Variants in CLEC16A observed in about 807,000 individuals in gnomAD.
CLEC16A encodes the protein C-type lectin domain containing 16A.
A neutral mutation model predicts 109.5 loss-of-function variants in CLEC16A; 51 were observed. The ratio of observed to expected loss-of-function variants is 0.47; its 90% confidence interval spans 0.37 to 0.59. The LOEUF is 0.59. CLEC16A is among the 20% of genes least tolerant of loss of function. The pLI, the probability that CLEC16A is intolerant of heterozygous loss-of-function variation, is 0.00. For missense variants in CLEC16A, 1,339 were observed against 1,394.0 expected, an observed-to-expected ratio of 0.96 and a Z score of 0.63; for synonymous variants, 673 against 564.2, an observed-to-expected ratio of 1.19 and a Z score of -2.73.
At position 11,180,502 on chromosome 16, in the gene CLEC16A, C is replaced by T. The variant is rs2068923664; in HGVS notation, c.*1812C>T. 6.6e-6 allele frequency: 1 copy of T among 152,564 alleles called. No homozygotes were observed. The highest frequency in any genetic ancestry group is 6.5e-5 in the Admixed American group (1 of 15,286). The allele number at this position is 152,564 out of a possible 1,614,324, so 9.5% of individuals were successfully genotyped here. A position where few individuals can be genotyped will look rare whatever the true frequency, so the allele number is the denominator to read the frequency against. The stretch of plus-strand genomic sequence containing the variant: ...AAGGCAGGGTGGAGCGGGGGGAAGA[C>T]CATCATGGAGAGAAGGACCACAGCA... On this transcript the variant is annotated 3_prime_UTR_variant, in exon 24 of 24. Transcript: ENST00000409790.
chr16:11,039,796 C>T lies in CLEC16A; in HGVS notation c.1580C>T (p.Pro527Leu). 6.2e-7 allele frequency: 1 copy of T among 1,609,102 alleles called. No homozygotes were observed. The highest frequency in any genetic ancestry group is 1.1e-5 in the South Asian group (1 of 89,778). The change falls in exon 14 of 24, where the codon CCA becomes CTA. Residue 527 changes from proline (P) to leucine (L), a missense_variant. This residue lies in a region of CLEC16A where 1,061 missense variants were observed against 1,006.8 expected (regional missense o/e 1.05). Coordinates refer to ENST00000409790, the MANE Select transcript of CLEC16A (RefSeq NM_015226.3). ...TTAGAGCGAATCCAGCTCCCCGTGC[C>T]AAATGCGGCCGAGAAGACCACCTAC... ...EKLERIQLPV[P>L]NAAEKTTYNH...
chr16:11,079,025 C>T (rs2152940587), intron 19 of CLEC16A, among the ~76,000 whole-genome samples: 1 of 152,274 alleles, frequency 6.6e-6, no homozygotes, highest in South Asian at 2.1e-4. Flanking sequence ...GAAGGGCCTG[C>T]GTAATAGGTT....
chr16:11,001,825 G>C (rs2044687513), intron 10 of CLEC16A, among the ~76,000 whole-genome samples: 1 of 152,156 alleles, frequency 6.6e-6, no homozygotes, highest in Non-Finnish European at 1.5e-5. Flanking sequence ...CTTTTTAAAG[G>C]AAGAACTTTG....
rs1187762070 is a variant in CLEC16A, at chr16:11,003,235, A to C, written c.1233A>C (p.Gln411His). The change falls in exon 11 of 24, where the codon CAA (glutamine) becomes CAC (histidine). Residue 411 changes from glutamine (Q) to histidine (H), a missense_variant. Coordinates refer to ENST00000409790, the MANE Select transcript of CLEC16A (RefSeq NM_015226.3). Reference sequence around the variant, plus strand: ...AGAAAGGGCCCACCGAGGATGCCCAAGAAGACGCCGAGAAGGCTAAAGGTA... The same window carrying C: ...AGAAAGGGCCCACCGAGGATGCCCACGAAGACGCCGAGAAGGCTAAAGGTA... ...DEEKGPTEDA[Q>H]EDAEKAKGTE... 1 of 1,613,334 alleles carries C rather than the reference A, an allele frequency of 6.2e-7. No homozygotes were observed. The highest frequency in any genetic ancestry group is 1.1e-5 in the South Asian group (1 of 91,036).
rs535529521 is a variant in CLEC16A, at chr16:11,123,846, C to A, written c.2373C>A (p.Ala791=). 21 of 1,614,052 alleles carry A rather than the reference C, an allele frequency of 1.3e-5. No individual in the cohort carries two copies. The African/African-American group carries it at 2.5e-4, about 19-fold the overall frequency. ...CCAAGCCCTTCCCCATCCTCCAGGC[C>A]ACCTTCATCTTCTCAGACCACATCC... ...PHSKPFPILQ[A]TFIFSDHIRC... is the part of the protein sequence containing the mutation. The change falls in exon 21 of 24, where the codon GCC becomes GCA. Residue 791 remains alanine, a synonymous_variant. Transcript: ENST00000409790.
At chr16:11,119,096 G>C (rs1311060677) in intron 19 of CLEC16A, among the ~76,000 whole-genome samples, 1 of 152,154 alleles carries the variant, frequency 6.6e-6, no homozygotes, top group Non-Finnish European at 1.5e-5. Context: ...CGCCTCTCAG[G>C]TTCAAGCGAT....
At position 10,986,388 on chromosome 16, in the gene CLEC16A, T is replaced by A. The variant is rs187097766; in HGVS notation, c.1071+3397T>A. Among the ~76,000 whole-genome samples the A allele has an allele frequency of 3.9e-4, 59 of 152,204 alleles. 1 individual carries two copies. The highest frequency in any genetic ancestry group is 7.3e-5 in the Non-Finnish European group (5 of 68,036). On this transcript the variant is annotated intron_variant, in intron 10 of 23. Transcript: ENST00000409790. ...TACCCTTTTAACACATTTTTATTTG[T>A]ATGGTTAACATTATTGTTGAGTGTA...
intron 1 of CLEC16A, among the ~76,000 whole-genome samples, chr16:10,949,436 C>G (rs968328306): frequency 2.0e-4 from 31 of 151,860 alleles, no homozygotes; most frequent in African/African-American, 6.8e-4. Context: ...TACCAGGCAG[C>G]GGGGTGTCAG....
At chr16:11,130,642 A>G (rs2053142897) in intron 22 of CLEC16A, among the ~76,000 whole-genome samples, 1 of 152,186 alleles carries the variant, frequency 6.6e-6, no homozygotes. Context: ...ATACTGTGAC[A>G]TGTCACCATT....
intron 11 of CLEC16A, among the ~76,000 whole-genome samples, chr16:11,009,124 T>A (rs1202171411): frequency 6.6e-6 from 1 of 152,226 alleles, no homozygotes; most frequent in African/African-American, 2.4e-5. Context: ...CCCCACCCTT[T>A]GATGTTCTGT....
chr16:11,045,050 T>A (rs2047563476), intron 16 of CLEC16A, among the ~76,000 whole-genome samples: 1 of 151,512 alleles, frequency 6.6e-6, no homozygotes, highest in Non-Finnish European at 1.5e-5. Flanking sequence ...CAATAGACAT[T>A]TACTTCTGGG....
intron 13 of CLEC16A, among the ~76,000 whole-genome samples, chr16:11,034,579 C>G (rs2046919428): frequency 6.6e-6 from 1 of 152,094 alleles, no homozygotes; most frequent in Admixed American, 6.5e-5. Flanking sequence ...GTTCCGCCCT[C>G]CACCCCTGTC....
intron 19 of CLEC16A, among the ~76,000 whole-genome samples, chr16:11,084,894 T>C (rs1050921260): frequency 6.6e-6 from 1 of 152,140 alleles, no homozygotes; most frequent in Non-Finnish European, 1.5e-5. Context: ...TATGGTGCCA[T>C]CAATTCTGAA....
chr16:10,945,695 A>G (rs1036812974), intron 1 of CLEC16A, among the ~76,000 whole-genome samples: 4 of 152,194 alleles, frequency 2.6e-5, no homozygotes, highest in African/African-American at 9.7e-5. Flanking sequence ...CAGTAGGTAC[A>G]TAGTAGGTGG....
intron 22 of CLEC16A, among the ~76,000 whole-genome samples, chr16:11,156,239 G>T (rs927550210): frequency 1.3e-5 from 2 of 151,984 alleles, no homozygotes; most frequent in African/African-American, 4.8e-5. Context: ...GCATGGTGGC[G>T]CACACCTGCA....
chr16:11,019,791 G>T (rs1443910013), intron 11 of CLEC16A, among the ~76,000 whole-genome samples: 2 of 148,754 alleles, frequency 1.3e-5, no homozygotes, highest in Admixed American at 6.7e-5. Flanking sequence ...AAAAAAAAAT[G>T]TAAGGAGCTT....
chr16:11,103,052 G>A (rs1244532003), intron 19 of CLEC16A, among the ~76,000 whole-genome samples: 1 of 152,210 alleles, frequency 6.6e-6, no homozygotes, highest in Non-Finnish European at 1.5e-5. Context: ...CAGACACAGA[G>A]GGAGGGCCTG....
Position 11,068,986 on chromosome 16 carries a change from C to CT in CLEC16A, c.2116+7982dup, listed in dbSNP as rs34421150. Among the ~76,000 whole-genome samples, 684 of 123,406 alleles carry CT rather than the reference C, an allele frequency of 5.5e-3. 3 individuals are homozygous for CT. The highest frequency in any genetic ancestry group is 0.019 in the South Asian group (71 of 3,760). 81.0% of individuals were successfully genotyped at this position (123,406 alleles called of 152,430 possible). A position where few individuals can be genotyped will look rare whatever the true frequency, so the allele number is the denominator to read the frequency against. On this transcript the variant is annotated intron_variant, in intron 19 of 23. Coordinates refer to ENST00000409790, the MANE Select transcript of CLEC16A (RefSeq NM_015226.3). Reference sequence around the variant, plus strand: ...CATGCCATCACGCCTGGCTAATTTTCTTTTTTTTTTTTTTTTTTGTATTTT... The same window carrying CT: ...CATGCCATCACGCCTGGCTAATTTTCTTTTTTTTTTTTTTTTTTTGTATTTT...
intron 8 of CLEC16A, among the ~76,000 whole-genome samples, chr16:10,977,817 C>G (rs913770769): frequency 8.8e-4 from 134 of 152,288 alleles, no homozygotes; most frequent in African/African-American, 3.1e-3. Flanking sequence ...GTTTTGAGCC[C>G]AAGGGAGATT....
Sources: allele counts gnomAD v4.1 joint callset (sites outside exome capture counted in the v4.1 genomes callset), GRCh38; gene constraint gnomAD v4.1.1; regional missense constraint gnomAD v4.1.1; transcripts MANE v1.5; gene names NCBI Gene and HGNC (gene_info 2026-07-23, HGNC 2026-07-21).